The following GALNT13 variants were observed in gnomAD, a reference collection of about 807,000 sequenced individuals.
GALNT13 encodes UDP-GalNAc:polypeptide N-acetylgalactosaminyltransferase 13.
A neutral mutation model predicts 64.2 loss-of-function variants in GALNT13; 28 were observed. The observed-to-expected ratio is 0.44, with a 90% CI of 0.32 to 0.60. The LOEUF is 0.60. Among genes scored for constraint, GALNT13 ranks in the 20% least tolerant of loss-of-function variants. The pLI is 0.05. For synonymous variants in GALNT13, 214 were observed against 224.6 expected, an observed-to-expected ratio of 0.95 and a Z score of 0.42; for missense variants, 577 against 669.8, an observed-to-expected ratio of 0.86 and a Z score of 1.53.
the GALNT13 span, among the ~76,000 whole-genome samples, chr2:153,068,888 A>G: frequency 6.6e-6 from 1 of 152,158 alleles, no homozygotes; most frequent in Non-Finnish European, 1.5e-5. Context: ...TGAATAAGCT[A>G]ATGAAAAGAA....
the GALNT13 span, among the ~76,000 whole-genome samples, chr2:153,483,410 CTTTTTTT>C: frequency 2.1e-3 from 152 of 71,804 alleles, 1 homozygote; most frequent in Admixed American, 3.7e-3. Context: ...GAATAAAATT[CTTTTTTT>C]TTTTTTTTTT....
In GALNT13 at chr2:154,450,566, A is replaced by C. The variant is rs1487591436; in HGVS notation, c.*15A>C. On this transcript the variant is annotated 3_prime_UTR_variant, in exon 13 of 13. Transcript: ENST00000392825. ...TGGGCACATGAAGATCATGTCCTCC[A>C]AGCCATGAAAGTGTCTACGCTTTTG... 6.4e-7 allele frequency: 1 copy of C among 1,572,006 alleles called. No homozygotes were observed.
chr2:154,245,526 G>A (rs1689733296), intron 6 of GALNT13, among the ~76,000 whole-genome samples: 1 of 152,086 alleles, frequency 6.6e-6, no homozygotes. Flanking sequence ...CATGCTGTGG[G>A]TGGAGGTTTT....
At chr2:153,606,865 GTT>G in the GALNT13 span, among the ~76,000 whole-genome samples, 11 of 122,914 alleles carry the variant, frequency 8.9e-5, no homozygotes, top group Admixed American at 2.4e-4. Context: ...ATGTCGTCAG[GTT>G]TTTTTTTTTT....
Position 154,128,661 on chromosome 2 carries a change from G to A in GALNT13, c.143-11676G>A, listed in dbSNP as rs140742246. Among the ~76,000 whole-genome samples the A allele has an allele frequency of 2.6e-3, 393 of 152,222 alleles. 7 individuals carry two copies. The highest frequency in any genetic ancestry group is 0.024 in the Admixed American group (370 of 15,286). ...GATGGTAGGAGGCGGGTAGTGATTA[G>A]ATATGTGATCACTGAGGTTAACTGT... is the stretch of plus-strand genomic sequence containing the variant. On this transcript the variant is annotated intron_variant, in intron 3 of 12. Transcript: ENST00000392825.
chr2:154,085,925 A>T lies in GALNT13; in HGVS notation c.143-54412A>T, dbSNP rs558527273. 2.4e-4 allele frequency among the ~76,000 whole-genome samples: 36 copies of T among 151,832 alleles called. 1 individual carries two copies. In the East Asian group the frequency reaches 6.4e-3, roughly 27 times the overall value. ...CAGAAAAAATTAAAATAAAAAATAA[A>T]CGTAAAAAAATAAAGTATGTTGTAA... is the stretch of plus-strand genomic sequence containing the variant. On this transcript the variant is annotated intron_variant, in intron 3 of 12. Transcript: ENST00000392825.
chr2:153,732,135 T>G, the GALNT13 span, among the ~76,000 whole-genome samples: 2 of 152,020 alleles, frequency 1.3e-5, no homozygotes, highest in African/African-American at 4.8e-5. Flanking sequence ...GGACTAAAAC[T>G]ATCATTAGGT....
intron 1 of GALNT13, among the ~76,000 whole-genome samples, chr2:153,877,918 G>A (rs1017390423): frequency 2.6e-5 from 4 of 152,114 alleles, no homozygotes; most frequent in African/African-American, 9.7e-5. Flanking sequence ...ACAACAATAT[G>A]AGTAATAGTA....
chr2:153,772,438 T>C, the GALNT13 span, among the ~76,000 whole-genome samples: 1 of 152,126 alleles, frequency 6.6e-6, no homozygotes, highest in South Asian at 2.1e-4. Context: ...GAGACTCTGC[T>C]TCCTCATGTA....
the GALNT13 span, among the ~76,000 whole-genome samples, chr2:153,417,183 C>T: frequency 4.7e-4 from 72 of 152,116 alleles, no homozygotes; most frequent in African/African-American, 1.7e-3. Context: ...GAGAGAATGC[C>T]AATAATGTTC....
At chr2:154,410,392 T>A (rs1386025054) in intron 11 of GALNT13, among the ~76,000 whole-genome samples, 1 of 151,996 alleles carries the variant, frequency 6.6e-6, no homozygotes, top group Non-Finnish European at 1.5e-5. Context: ...ACTTTATGTC[T>A]TTCCATTCTT....
At chr2:154,400,240 C>T (rs1699239964) in intron 10 of GALNT13, among the ~76,000 whole-genome samples, 1 of 152,124 alleles carries the variant, frequency 6.6e-6, no homozygotes, top group Non-Finnish European at 1.5e-5. Context: ...ATGTATAAGG[C>T]ACTTTCTCTT....
At chr2:153,901,857 C>T (rs924004408) in intron 2 of GALNT13, among the ~76,000 whole-genome samples, 3 of 152,252 alleles carry the variant, frequency 2.0e-5, no homozygotes, top group Admixed American at 6.5e-5. Context: ...ATACCTTACT[C>T]TTCTATTATA....
chr2:154,385,367 C>G lies in GALNT13; in HGVS notation c.1157-10624C>G, dbSNP rs80238114. 4.3e-4 allele frequency among the ~76,000 whole-genome samples: 65 copies of G among 151,976 alleles called. 1 individual carries two copies. In the East Asian group the frequency reaches 9.5e-3, roughly 22 times the overall value. On this transcript the variant is annotated intron_variant, in intron 9 of 12. Transcript: ENST00000392825. ...AATTTGCAACGTGAGTCCTATCATTCAAGGGATGATAATTACCATGTTCTG... is the reference window on the plus strand; with the variant it reads ...AATTTGCAACGTGAGTCCTATCATTGAAGGGATGATAATTACCATGTTCTG...
At chr2:153,377,582 C>T in the GALNT13 span, among the ~76,000 whole-genome samples, 12 of 152,252 alleles carry the variant, frequency 7.9e-5, no homozygotes, top group South Asian at 1.2e-3. Flanking sequence ...GATCCCTGCA[C>T]ACCTCGGCTT....
chr2:153,118,145 A>ACACCC, the GALNT13 span, among the ~76,000 whole-genome samples: 30 of 147,470 alleles, frequency 2.0e-4, no homozygotes, highest in East Asian at 5.7e-3. Context: ...ACACACACAC[A>ACACCC]CCCCACATAA....
the GALNT13 span, among the ~76,000 whole-genome samples, chr2:153,256,477 A>C: frequency 6.6e-6 from 1 of 152,138 alleles, no homozygotes; most frequent in Non-Finnish European, 1.5e-5. Flanking sequence ...CCTCAACGTC[A>C]TTCTCCGTCC....
intron 4 of GALNT13, among the ~76,000 whole-genome samples, chr2:154,188,967 C>A (rs1015213363): frequency 1.3e-5 from 2 of 152,078 alleles, no homozygotes; most frequent in East Asian, 3.9e-4. Flanking sequence ...AGTCTTGAAT[C>A]AATTATTTAA....
chr2:153,308,111 T>C, the GALNT13 span, among the ~76,000 whole-genome samples: 1 of 152,206 alleles, frequency 6.6e-6, no homozygotes, highest in African/African-American at 2.4e-5. Flanking sequence ...ACCTGGGGGC[T>C]ATTTTTATTT....
Sources: gnomAD v4.1 joint callset for allele counts (sites outside exome capture counted in the v4.1 genomes callset) on GRCh38, gnomAD v4.1.1 for gene constraint, MANE v1.5 for transcripts, NCBI Gene and HGNC (gene_info 2026-07-23, HGNC 2026-07-21) for gene names.